Variants in TTC12 observed in about 807,000 individuals in gnomAD.
TTC12 encodes tetratricopeptide repeat domain 12, also known as tetratricopeptide repeat protein 12.
TTC12 carries 70 observed loss-of-function variants against 90.1 expected under a neutral mutation model. The ratio of observed to expected loss-of-function variants is 0.78; its 90% confidence interval spans 0.64 to 0.95. The LOEUF (loss-of-function observed/expected upper bound fraction) is 0.95. Among genes scored for constraint, TTC12 ranks in the 40% least tolerant of loss-of-function variants. The probability of loss-of-function intolerance (pLI) is 0.00; values close to 1 mark genes in which losing one functional copy is unlikely to be tolerated. For missense variants in TTC12, 819 were observed against 846.1 expected (o/e 0.97, Z 0.40); for synonymous variants, 296 against 311.5 (o/e 0.95, Z 0.53).
chr11:113,351,429 A>G (rs1398647645), intron 15 of TTC12, 130 bp downstream of exon 15: 1 of 775,444 alleles, frequency 1.3e-6, no homozygotes, highest in Non-Finnish European at 2.2e-6. Context: ...TCACAGCTGG[A>G]ATTTACACAA....
In TTC12 at chr11:113,323,530, T is replaced by G; in HGVS notation, c.222+79T>G. The G allele has an allele frequency of 4.2e-6, 4 of 960,348 alleles. No homozygotes were observed. In the South Asian group the frequency reaches 1.3e-4, roughly 32 times the overall value. The allele number at this position is 960,348 out of a possible 1,614,324, so 59.5% of individuals were successfully genotyped here. ...CCTAGGCAGTAGTTTAATCTCAAAC[T>G]GTCCAGCAAGGCTGAAATGGTCTTT... is the stretch of plus-strand genomic sequence containing the variant. On this transcript the variant is annotated intron_variant, in intron 3 of 21. Transcript: ENST00000529221.
intron 19 of TTC12, among the ~76,000 whole-genome samples, chr11:113,363,003 A>G (rs1405748485): frequency 6.6e-6 from 1 of 152,198 alleles, no homozygotes; most frequent in African/African-American, 2.4e-5. Context: ...TAGAGCAGTT[A>G]TCTGGATTCA....
chr11:113,330,944 C>T (rs1948025092), intron 7 of TTC12, among the ~76,000 whole-genome samples: 1 of 152,158 alleles, frequency 6.6e-6, no homozygotes, highest in African/African-American at 2.4e-5. Context: ...GGGTACAGCA[C>T]ACCTACCCTA....
At chr11:113,353,851 T>G (rs1949462265) in intron 16 of TTC12, among the ~76,000 whole-genome samples, 1 of 152,226 alleles carries the variant, frequency 6.6e-6, no homozygotes, top group Non-Finnish European at 1.5e-5. Flanking sequence ...TACCATGTGT[T>G]TTGGTTACTG....
chr11:113,329,451 C>G (rs959823834), intron 6 of TTC12, among the ~76,000 whole-genome samples: 1 of 152,164 alleles, frequency 6.6e-6, no homozygotes, highest in Non-Finnish European at 1.5e-5. Flanking sequence ...TCCTTGGCTT[C>G]CTAGCCCTCT....
At chr11:113,324,567 A>G (rs1220034957) in intron 4 of TTC12, 38 bp from the exon 5 acceptor site, 2 of 1,575,828 alleles carry the variant, frequency 1.3e-6, no homozygotes, top group Non-Finnish European at 1.7e-6. Flanking sequence ...TAGTATTTGG[A>G]TTTTTCTTTT....
Position 113,341,843 on chromosome 11 carries a change from T to C in TTC12, c.903T>C (p.Phe301=), listed in dbSNP as rs1555146173. The stretch of plus-strand genomic sequence containing the variant: ...TCTCCTTTGTCCATTCTAGGTGTTT[T>C]TCCACAGCAGGAAATGATGCAGTTG... ...ISDNEVIRRC[F]STAGNDAVEE... Residue 301 remains phenylalanine, a synonymous_variant, in exon 12 of 22, where the codon TTT becomes TTC. Coordinates refer to ENST00000529221, the MANE Select transcript of TTC12 (RefSeq NM_017868.4). 7 of 1,613,780 alleles carry C rather than the reference T, an allele frequency of 4.3e-6. No individual in the cohort carries two copies. In the South Asian group the frequency reaches 7.7e-5, roughly 18 times the overall value.
chr11:113,371,234 C>G (rs59290569), downstream of TTC12, among the ~76,000 whole-genome samples: 1 of 152,114 alleles, frequency 6.6e-6, no homozygotes, highest in Admixed American at 6.5e-5. Context: ...CTCAGGTCCC[C>G]TATATGAAAT....
chr11:113,364,918 G>A lies in TTC12; in HGVS notation c.1900G>A (p.Glu634Lys). ...NAALCLGNCM[E>K]VPNVASSLLK... Reference sequence around the variant, plus strand: ...TGCCCTCTGCCTTGGTAACTGCATGGAGGTGCCCAACGTTGCGTCTTCCCT... The same window carrying A: ...TGCCCTCTGCCTTGGTAACTGCATGAAGGTGCCCAACGTTGCGTCTTCCCT... The change falls in exon 21 of 22, where the codon GAG (glutamate) becomes AAG (lysine). Residue 634 changes from glutamate (E) to lysine (K), a missense_variant. By Grantham distance (56) the Glu-to-Lys change is moderately conservative. Transcript: ENST00000529221. 1 of 1,614,188 alleles carries A rather than the reference G, an allele frequency of 6.2e-7. No individual in the cohort carries two copies. The highest frequency in any genetic ancestry group is 2.2e-5 in the East Asian group (1 of 44,880).
intron 8 of TTC12, 21 bp from the exon 9 acceptor site, chr11:113,338,753 G>A: frequency 6.2e-7 from 1 of 1,605,834 alleles, no homozygotes; most frequent in South Asian, 1.1e-5. Flanking sequence ...CACTCTTCAA[G>A]GTCTTGTTTC....
chr11:113,341,902 G>A lies in TTC12; in HGVS notation c.962G>A (p.Trp321Ter). ...EMVCVSVLKL[W>*]QAVCSRNEEN... ...GTCTGTGTGTCTGTTCTCAAGCTCTGGCAAGCAGTGTGCAGCAGGAACGGT... is the reference window on the plus strand; with the variant it reads ...GTCTGTGTGTCTGTTCTCAAGCTCTAGCAAGCAGTGTGCAGCAGGAACGGT... The change falls in exon 12 of 22, where the codon TGG (tryptophan) becomes TAG (stop). Residue 321 changes from tryptophan (W) to a stop codon, truncating the protein, a stop_gained. Transcript: ENST00000529221. LOFTEE classifies it high-confidence loss of function. The A allele has an allele frequency of 6.2e-7, 1 of 1,614,180 alleles. No individual in the cohort carries two copies. Among genetic ancestry groups the A allele is most frequent in the Non-Finnish European group, 8.5e-7 (1 of 1,180,026 alleles).
chr11:113,366,253 G>C lies in TTC12; in HGVS notation c.2071G>C (p.Gly691Arg), dbSNP rs138333675. The C allele has an allele frequency of 6.2e-7, 1 of 1,613,560 alleles. No individual in the cohort carries two copies. The highest frequency in any genetic ancestry group is 8.5e-7 in the Non-Finnish European group (1 of 1,180,028). ...RFAAQLRKLH[G>R]LEILNSTMKY... Reference sequence around the variant, plus strand: ...TGCTGCTCAACTGAGAAAGCTTCATGGCCTAGAAATTCTCAACTCTACGAT... The same window carrying C: ...TGCTGCTCAACTGAGAAAGCTTCATCGCCTAGAAATTCTCAACTCTACGAT... Residue 691 changes from glycine (G) to arginine (R), a missense_variant, in exon 22 of 22, where the codon GGC becomes CGC. By Grantham distance (125) the Gly-to-Arg change is moderately radical. Coordinates refer to ENST00000529221, the MANE Select transcript of TTC12 (RefSeq NM_017868.4).
chr11:113,363,007 G>GCTTA (rs782739349), intron 19 of TTC12, among the ~76,000 whole-genome samples: 48 of 152,208 alleles, frequency 3.2e-4, no homozygotes, highest in Non-Finnish European at 1.0e-4. Flanking sequence ...GCAGTTATCT[G>GCTTA]GATTCACCTG....
chr11:113,345,885 T>A (rs1458286247), intron 13 of TTC12, among the ~76,000 whole-genome samples: 2 of 152,224 alleles, frequency 1.3e-5, no homozygotes, highest in East Asian at 3.9e-4. Flanking sequence ...TTCCAGTGTC[T>A]CGGAGAGTGG....
At chr11:113,368,029 TTCA>T (rs1204520492), downstream of TTC12, among the ~76,000 whole-genome samples, 1 of 152,226 alleles carries the variant, frequency 6.6e-6, no homozygotes, top group East Asian at 1.9e-4. Context: ...GCTGTTTGTG[TTCA>T]TAACCACCAG....
At chr11:113,365,558 A>C (rs565162728) in intron 21 of TTC12, 9 of 189,120 alleles carry the variant, frequency 4.8e-5, no homozygotes, top group Non-Finnish European at 7.9e-5. Flanking sequence ...GACGCAGAAC[A>C]GCATGCCGAG....
chr11:113,360,557 A>G (rs188531399), intron 18 of TTC12, among the ~76,000 whole-genome samples: 16 of 152,348 alleles, frequency 1.1e-4, no homozygotes, highest in Non-Finnish European at 1.9e-4. Context: ...AGAAAGGCCT[A>G]TATGTTAGCA....
intron 7 of TTC12, among the ~76,000 whole-genome samples, chr11:113,330,604 TTTAA>T (rs1555142345): frequency 6.6e-6 from 1 of 152,172 alleles, no homozygotes. Flanking sequence ...TGACCAAATA[TTTAA>T]GTAACCCTTA....
chr11:113,371,246 C>T (rs892559123), downstream of TTC12, among the ~76,000 whole-genome samples: 1 of 152,174 alleles, frequency 6.6e-6, no homozygotes, highest in African/African-American at 2.4e-5. Context: ...ATATGAAATG[C>T]ATCATATTTG....
Sources: gnomAD v4.1 joint callset for allele counts (sites outside exome capture counted in the v4.1 genomes callset) on GRCh38, gnomAD v4.1.1 for gene constraint, MANE v1.5 for transcripts, NCBI Gene and HGNC (gene_info 2026-07-23, HGNC 2026-07-21) for gene names.